TBCA: variants seen among roughly 807,000 people sequenced by gnomAD.
TBCA encodes the protein tubulin-specific chaperone A.
Under a neutral mutation model 15.8 loss-of-function variants are expected in TBCA, and 6 were observed. The observed-to-expected ratio is 0.38, with a 90% CI of 0.21 to 0.75. The LOEUF is 0.75. TBCA is among the 30% of genes least tolerant of loss of function. The pLI is 0.46. For synonymous variants in TBCA, 32 were observed against 42.3 expected (o/e 0.76, Z 0.94); for missense variants, 90 against 131.2 (o/e 0.69, Z 1.53).
chr5:77,762,104 G>C (rs1002616923), intron 1 of TBCA, among the ~76,000 whole-genome samples: 1 of 152,132 alleles, frequency 6.6e-6, no homozygotes, highest in African/African-American at 2.4e-5. Flanking sequence ...ATGTGGGGAA[G>C]GACAGTAGAT....
At position 77,752,377 on chromosome 5, in the gene TBCA, G is replaced by A. The variant is rs190680186; in HGVS notation, c.53+23828C>T. On this transcript the variant is annotated intron_variant, in intron 1 of 3. Transcript: ENST00000380377. Reference sequence around the variant, plus strand: ...TATAATTTTTTCCTTCCTTCCTTCCGATTTTCCTTTCTGGCTTAGTTTTTT... The same window carrying A: ...TATAATTTTTTCCTTCCTTCCTTCCAATTTTCCTTTCTGGCTTAGTTTTTT... 2.8e-3 allele frequency among the ~76,000 whole-genome samples: 418 copies of A among 151,586 alleles called. 2 individuals are homozygous for A. Among genetic ancestry groups the A allele is most frequent in the African/African-American group, 9.9e-3 (407 of 41,270 alleles).
intron 1 of TBCA, among the ~76,000 whole-genome samples, chr5:77,731,486 C>T (rs1042512630): frequency 6.6e-6 from 1 of 152,154 alleles, no homozygotes; most frequent in African/African-American, 2.4e-5. Flanking sequence ...AACAGTGCTA[C>T]CATTAATATT....
intron 2 of TBCA, among the ~76,000 whole-genome samples, chr5:77,701,235 T>C (rs1222926581): frequency 6.6e-6 from 1 of 151,604 alleles, no homozygotes; most frequent in Non-Finnish European, 1.5e-5. Context: ...AACAATCCCA[T>C]CAAAAAGTGG....
chr5:77,730,934 T>C (rs1231393608), intron 1 of TBCA, among the ~76,000 whole-genome samples: 1 of 152,232 alleles, frequency 6.6e-6, no homozygotes, highest in Non-Finnish European at 1.5e-5. Context: ...ATTGATTGCA[T>C]GTGACATACT....
At chr5:77,758,867 C>T (rs909157106) in intron 1 of TBCA, among the ~76,000 whole-genome samples, 7 of 152,226 alleles carry the variant, frequency 4.6e-5, no homozygotes, top group Admixed American at 3.9e-4. Context: ...TGGAGACTGA[C>T]TGCCAATTTT....
intron 1 of TBCA, among the ~76,000 whole-genome samples, chr5:77,771,806 T>A (rs916405401): frequency 6.6e-6 from 1 of 152,178 alleles, no homozygotes; most frequent in Non-Finnish European, 1.5e-5. Flanking sequence ...TTCCACCAGG[T>A]CTAATCAGAA....
At chr5:77,707,320 A>G (rs1746173306) in intron 2 of TBCA, among the ~76,000 whole-genome samples, 2 of 152,268 alleles carry the variant, frequency 1.3e-5, no homozygotes, top group South Asian at 4.2e-4. Context: ...CTGAGAATGA[A>G]TGTTCAATAT....
chr5:77,744,554 T>TTTTTTG (rs56785033), intron 1 of TBCA, among the ~76,000 whole-genome samples: 1 of 139,942 alleles, frequency 7.1e-6, no homozygotes, highest in African/African-American at 2.7e-5. Flanking sequence ...TTTTTTTTTT[T>TTTTTTG]GAGACAGAGT....
At chr5:77,719,820 T>C (rs1311065535) in intron 1 of TBCA, among the ~76,000 whole-genome samples, 1 of 152,158 alleles carries the variant, frequency 6.6e-6, no homozygotes, top group Non-Finnish European at 1.5e-5. Flanking sequence ...TCAAAGGTCC[T>C]GAGATGTCAG....
chr5:77,711,789 T>C (rs1746282942), intron 1 of TBCA, among the ~76,000 whole-genome samples: 1 of 152,170 alleles, frequency 6.6e-6, no homozygotes, highest in African/African-American at 2.4e-5. Flanking sequence ...ACAGCAGCAA[T>C]GGCTCCAGCA....
At chr5:77,756,027 A>C (rs147368118) in intron 1 of TBCA, among the ~76,000 whole-genome samples, 2,627 of 152,242 alleles carry the variant, frequency 0.017, 38 homozygotes, top group Non-Finnish European at 0.026. Context: ...ACAACAAAAA[A>C]AAAAACACAA....
At chr5:77,733,741 C>A (rs1368041579) in intron 1 of TBCA, among the ~76,000 whole-genome samples, 1 of 152,206 alleles carries the variant, frequency 6.6e-6, no homozygotes, top group East Asian at 1.9e-4. Context: ...GATGATCTAG[C>A]TAAGATCACT....
At chr5:77,762,437 T>A (rs1391508937) in intron 1 of TBCA, among the ~76,000 whole-genome samples, 1 of 152,168 alleles carries the variant, frequency 6.6e-6, no homozygotes, top group Non-Finnish European at 1.5e-5. Context: ...GTAGTAGTGC[T>A]GAGGACAAGC....
chr5:77,692,843 C>T (rs1745785910), intron 3 of TBCA: 1 of 1,097,920 alleles, frequency 9.1e-7, no homozygotes, highest in African/African-American at 1.7e-5. Flanking sequence ...TCAAACTGAT[C>T]TAGGTTTGAA....
chr5:77,716,858 C>T (rs1746409102), intron 1 of TBCA, among the ~76,000 whole-genome samples: 2 of 152,186 alleles, frequency 1.3e-5, no homozygotes, highest in Admixed American at 1.3e-4. Flanking sequence ...AAGTCATGCC[C>T]TTCAAAGGAA....
At chr5:77,763,243 C>CA (rs1196806584) in intron 1 of TBCA, among the ~76,000 whole-genome samples, 3 of 150,476 alleles carry the variant, frequency 2.0e-5, no homozygotes, top group Admixed American at 6.6e-5. Flanking sequence ...GACTCCGTCT[C>CA]AAAAAAAATA....
chr5:77,768,092 G>A (rs962227413), intron 1 of TBCA, among the ~76,000 whole-genome samples: 1 of 152,126 alleles, frequency 6.6e-6, no homozygotes, highest in African/African-American at 2.4e-5. Context: ...ATACTTGCTG[G>A]CCTCTTCATC....
At chr5:77,773,051 T>C (rs745371966) in intron 1 of TBCA, among the ~76,000 whole-genome samples, 17 of 152,294 alleles carry the variant, frequency 1.1e-4, no homozygotes, top group Middle Eastern at 6.8e-3. Flanking sequence ...TACAGCACTC[T>C]GCAACACACC....
chr5:77,719,049 A>G (rs568059822), intron 1 of TBCA, among the ~76,000 whole-genome samples: 49 of 152,190 alleles, frequency 3.2e-4, no homozygotes, highest in Non-Finnish European at 5.6e-4. Flanking sequence ...AGGTGTGAAA[A>G]TATGTCTCAT....
Sources: allele counts gnomAD v4.1 joint callset (sites outside exome capture counted in the v4.1 genomes callset), GRCh38; gene constraint gnomAD v4.1.1; transcripts MANE v1.5; gene names NCBI Gene and HGNC (gene_info 2026-07-23, HGNC 2026-07-21).